Variants in CADM2 observed in about 807,000 individuals in gnomAD.
CADM2 encodes the protein cell adhesion molecule 2, also known as immunoglobulin superfamily member 4D.
CADM2 carries 12 observed loss-of-function variants against 49.8 expected under a neutral mutation model. The observed-to-expected ratio is 0.24, with a 90% CI of 0.15 to 0.39. The LOEUF (loss-of-function observed/expected upper bound fraction) is 0.39, where lower values mean the gene tolerates loss of function less well. Among genes scored for constraint, CADM2 ranks in the 10% least tolerant of loss-of-function variants. The probability of loss-of-function intolerance (pLI) is 1.00; values close to 1 mark genes in which losing one functional copy is unlikely to be tolerated. For synonymous variants in CADM2, 214 were observed against 175.4 expected (o/e 1.22, Z -1.74); for missense variants, 378 against 492.3 (o/e 0.77, Z 2.20).
intron 1 of CADM2, among the ~76,000 whole-genome samples, chr3:85,074,764 G>C (rs527437683): frequency 6.6e-6 from 1 of 152,082 alleles, no homozygotes; most frequent in Admixed American, 6.6e-5. Flanking sequence ...CAGCATTGGA[G>C]AGGGAGTCAG....
intron 1 of CADM2, among the ~76,000 whole-genome samples, chr3:84,974,115 A>T (rs1362566554): frequency 6.6e-6 from 1 of 152,120 alleles, no homozygotes; most frequent in African/African-American, 2.4e-5. Flanking sequence ...GATGGGAATG[A>T]TACCACATTT....
intron 1 of CADM2, among the ~76,000 whole-genome samples, chr3:85,035,901 G>A (rs1352888801): frequency 6.6e-6 from 1 of 152,024 alleles, no homozygotes; most frequent in South Asian, 2.1e-4. Flanking sequence ...TCTATTCATT[G>A]CTTTAAGCAA....
chr3:85,259,664 G>A (rs1231584597), intron 1 of CADM2, among the ~76,000 whole-genome samples: 1 of 152,118 alleles, frequency 6.6e-6, no homozygotes, highest in Non-Finnish European at 1.5e-5. Context: ...GCAAGATGAA[G>A]TGGAGAACTG....
At chr3:85,208,821 C>G (rs2041710948) in intron 1 of CADM2, among the ~76,000 whole-genome samples, 1 of 152,130 alleles carries the variant, frequency 6.6e-6, no homozygotes, top group Non-Finnish European at 1.5e-5. Flanking sequence ...GTTGGAACAA[C>G]AAGCATATCC....
chr3:85,601,880 C>G (rs570960058), intron 1 of CADM2, among the ~76,000 whole-genome samples: 1 of 151,720 alleles, frequency 6.6e-6, no homozygotes, highest in East Asian at 1.9e-4. Context: ...CTCACATCTT[C>G]TATTTATGTA....
At chr3:85,284,885 T>C (rs1010662269) in intron 1 of CADM2, among the ~76,000 whole-genome samples, 10 of 151,936 alleles carry the variant, frequency 6.6e-5, no homozygotes, top group Non-Finnish European at 1.2e-4. Flanking sequence ...GCAAGTTGTG[T>C]CAAGCATCGA....
At chr3:85,212,922 C>A (rs1258286054) in intron 1 of CADM2, among the ~76,000 whole-genome samples, 1 of 143,714 alleles carries the variant, frequency 7.0e-6, no homozygotes, top group Non-Finnish European at 1.5e-5. Context: ...ACACTGTCAC[C>A]CAGACTGGAG....
chr3:85,045,721 T>C (rs1452038063), intron 1 of CADM2, among the ~76,000 whole-genome samples: 1 of 152,092 alleles, frequency 6.6e-6, no homozygotes, highest in African/African-American at 2.4e-5. Context: ...TAGAGCTCTT[T>C]CACACAAGAA....
intron 1 of CADM2, among the ~76,000 whole-genome samples, chr3:85,686,037 T>G (rs1012546438): frequency 2.0e-5 from 3 of 152,240 alleles, no homozygotes; most frequent in African/African-American, 7.2e-5. Flanking sequence ...TGTTTCTGTT[T>G]AGAGGCACAA....
At chr3:85,483,910 C>A (rs1211473202) in intron 1 of CADM2, among the ~76,000 whole-genome samples, 1 of 151,584 alleles carries the variant, frequency 6.6e-6, no homozygotes, top group Non-Finnish European at 1.5e-5. Flanking sequence ...ACTCGAAGGC[C>A]TGTAATTTTC....
chr3:85,070,477 A>G (rs2036689880), intron 1 of CADM2, among the ~76,000 whole-genome samples: 1 of 152,188 alleles, frequency 6.6e-6, no homozygotes, highest in South Asian at 2.1e-4. Flanking sequence ...TTAAACACTT[A>G]AACCTAAGGA....
chr3:86,029,982 C>T (rs1206980713), intron 8 of CADM2, among the ~76,000 whole-genome samples: 1 of 151,838 alleles, frequency 6.6e-6, no homozygotes, highest in Admixed American at 6.6e-5. Context: ...GAAACAAACA[C>T]AAACAATTTA....
chr3:85,382,391 G>C (rs2033957737), intron 1 of CADM2, among the ~76,000 whole-genome samples: 1 of 152,092 alleles, frequency 6.6e-6, no homozygotes, highest in African/African-American at 2.4e-5. Flanking sequence ...GATGGGATAG[G>C]AGTCAGGAGA....
At chr3:85,574,212 T>C (rs1379294209) in intron 1 of CADM2, among the ~76,000 whole-genome samples, 1 of 152,224 alleles carries the variant, frequency 6.6e-6, no homozygotes, top group East Asian at 1.9e-4. Context: ...ATGACTGGAA[T>C]TTGGATCTTG....
intron 1 of CADM2, among the ~76,000 whole-genome samples, chr3:85,175,820 G>T (rs1321757422): frequency 6.6e-6 from 1 of 151,522 alleles, no homozygotes; most frequent in Non-Finnish European, 1.5e-5. Flanking sequence ...TACAAGAAGC[G>T]GAGTAACAAG....
rs1739746258 is a variant in CADM2, at chr3:86,070,318, G to A, written c.*3535G>A. On this transcript the variant is annotated 3_prime_UTR_variant, in exon 10 of 10. Coordinates refer to ENST00000383699, the MANE Select transcript of CADM2 (RefSeq NM_001167675.2). The stretch of plus-strand genomic sequence containing the variant: ...GTAACAGCATTGAGATTTCATATAG[G>A]CACATGTATAGCAGCTGTTTGACAG... 6.6e-6 allele frequency: 1 copy of A among 151,784 alleles called. No homozygotes were observed. The highest frequency in any genetic ancestry group is 6.6e-5 in the Admixed American group (1 of 15,202). 9.4% of individuals were successfully genotyped at this position (151,784 alleles called of 1,614,324 possible). A position where few individuals can be genotyped will look rare whatever the true frequency, so the allele number is the denominator to read the frequency against.
intron 1 of CADM2, among the ~76,000 whole-genome samples, chr3:85,285,308 A>G (rs898442339): frequency 6.6e-6 from 1 of 152,132 alleles, no homozygotes; most frequent in Non-Finnish European, 1.5e-5. Flanking sequence ...AATTCACAAA[A>G]GAGTTAACTG....
intron 1 of CADM2, among the ~76,000 whole-genome samples, chr3:85,229,816 T>C (rs2042247444): frequency 6.6e-6 from 1 of 152,172 alleles, no homozygotes; most frequent in African/African-American, 2.4e-5. Context: ...CTTCATAGCC[T>C]TTCTTGGCTC....
intron 1 of CADM2, among the ~76,000 whole-genome samples, chr3:85,031,768 C>T (rs1039491438): frequency 6.6e-6 from 1 of 152,112 alleles, no homozygotes; most frequent in African/African-American, 2.4e-5. Flanking sequence ...GATCCGCCCG[C>T]CTTGGCCTCC....
Sources: gnomAD v4.1 joint callset for allele counts (sites outside exome capture counted in the v4.1 genomes callset) on GRCh38, gnomAD v4.1.1 for gene constraint, MANE v1.5 for transcripts, NCBI Gene and HGNC (gene_info 2026-07-23, HGNC 2026-07-21) for gene names.